The following TMT1B variants were observed in gnomAD, a reference collection of about 807,000 sequenced individuals.
TMT1B encodes the protein thiol methyltransferase 1B, also known as thiol S-methyltransferase TMT1B.
the TMT1B span, among the ~76,000 whole-genome samples, chr12:55,682,608 A>T: frequency 7.7e-5 from 1 of 12,968 alleles, no homozygotes. Flanking sequence ...CCGTCTCTAC[A>T]AAAAAAAAAA....
chr12:55,683,771 C>T, the TMT1B span: 8 of 1,586,116 alleles, frequency 5.0e-6, no homozygotes, highest in Non-Finnish European at 6.9e-6. Flanking sequence ...GGAGCAGGGT[C>T]AGAATGGAGC....
chr12:55,682,167 T>C, the TMT1B span: 23 of 1,613,624 alleles, frequency 1.4e-5, no homozygotes, highest in Non-Finnish European at 1.9e-5. Flanking sequence ...GATGGCTCCA[T>C]GGATGTGGTG....
the TMT1B span, chr12:55,681,946 G>T: frequency 6.2e-7 from 1 of 1,614,208 alleles, no homozygotes; most frequent in Non-Finnish European, 8.5e-7. Flanking sequence ...AGATAAAGGG[G>T]CTTACAGGAG....
At chr12:55,683,729 A>T in the TMT1B span, 2 of 1,360,430 alleles carry the variant, frequency 1.5e-6, no homozygotes, top group Non-Finnish European at 2.1e-6. Context: ...CCATTTCACC[A>T]AGAAGTTTGA....
At chr12:55,683,471 A>G in the TMT1B span, among the ~76,000 whole-genome samples, 1 of 152,082 alleles carries the variant, frequency 6.6e-6, no homozygotes, top group Non-Finnish European at 1.5e-5. Flanking sequence ...CTCCAGCCTG[A>G]GCAACAGACT....
At chr12:55,681,774 T>C in the TMT1B span, 1 of 1,551,378 alleles carries the variant, frequency 6.4e-7, no homozygotes, top group South Asian at 1.2e-5. Flanking sequence ...CTGGTCCCAC[T>C]CCTGCAGCTG....
the TMT1B span, chr12:55,683,757 A>C: frequency 6.5e-7 from 1 of 1,548,140 alleles, no homozygotes; most frequent in Admixed American, 1.7e-5. Flanking sequence ...GATCAGCGCG[A>C]TAGGGAGCAG....
chr12:55,682,281 G>T, the TMT1B span: 1 of 1,592,220 alleles, frequency 6.3e-7, no homozygotes, highest in East Asian at 2.3e-5. Flanking sequence ...GGATGGGTGT[G>T]GGGCAGGCAA....
chr12:55,683,135 G>A, the TMT1B span, among the ~76,000 whole-genome samples: 43,003 of 152,082 alleles, frequency 0.28, 6,951 homozygotes, highest in Middle Eastern at 0.38. Context: ...TGTTCACAGC[G>A]ATGTCCAGGA....
At chr12:55,682,223 C>T in the TMT1B span, 6 of 1,613,768 alleles carry the variant, frequency 3.7e-6, no homozygotes, top group Non-Finnish European at 5.1e-6. Context: ...AAGGAAGGTC[C>T]TGCAGGAGGT....
At chr12:55,683,124 A>G in the TMT1B span, among the ~76,000 whole-genome samples, 2 of 152,150 alleles carry the variant, frequency 1.3e-5, no homozygotes, top group Admixed American at 6.5e-5. Flanking sequence ...TTTCCCTGGG[A>G]TGTTCACAGC....
chr12:55,682,319 G>T, the TMT1B span: 1 of 1,526,320 alleles, frequency 6.6e-7, no homozygotes. Context: ...CCAGGGTTCG[G>T]CCCCCAGAAT....
chr12:55,682,342 G>A, the TMT1B span: 5 of 1,300,914 alleles, frequency 3.8e-6, no homozygotes, highest in African/African-American at 5.9e-5. Flanking sequence ...GGCGTCTGAG[G>A]TAGTAAGTAG....
chr12:55,683,501 T>A, the TMT1B span, among the ~76,000 whole-genome samples: 5 of 151,546 alleles, frequency 3.3e-5, no homozygotes, highest in Non-Finnish European at 7.4e-5. Context: ...TCTCAAAAAA[T>A]AATAATAATA....
At chr12:55,683,077 G>C in the TMT1B span, among the ~76,000 whole-genome samples, 1 of 152,208 alleles carries the variant, frequency 6.6e-6, no homozygotes, top group Admixed American at 6.5e-5. Context: ...CGAGGAGCTT[G>C]AGGAACCCCA....
chr12:55,683,853 A>T, the TMT1B span: 1 of 1,614,044 alleles, frequency 6.2e-7, no homozygotes, highest in East Asian at 2.2e-5. Context: ...GCAGAACCAT[A>T]TGGAAGCTGG....
the TMT1B span, chr12:55,682,404 C>T: frequency 1.3e-6 from 1 of 764,356 alleles, no homozygotes; most frequent in Non-Finnish European, 2.1e-6. Context: ...GAGACATGAC[C>T]AGTGCCATGA....
chr12:55,683,718 C>A, the TMT1B span: 1 of 1,233,746 alleles, frequency 8.1e-7, no homozygotes, highest in Non-Finnish European at 1.2e-6. Flanking sequence ...ACCAGCAGCT[C>A]CCATTTCACC....
At chr12:55,683,889 A>G in the TMT1B span, 2 of 1,613,976 alleles carry the variant, frequency 1.2e-6, no homozygotes, top group Admixed American at 1.7e-5. Context: ...CAAGTTTTCG[A>G]GCCCACCTGG....
Sources: gnomAD v4.1 joint callset for allele counts (sites outside exome capture counted in the v4.1 genomes callset) on GRCh38, gnomAD v4.1.1 for gene constraint, MANE v1.5 for transcripts, NCBI Gene and HGNC (gene_info 2026-07-23, HGNC 2026-07-21) for gene names.